CEMIP: variants seen among roughly 807,000 people sequenced by gnomAD.
The protein encoded by CEMIP is cell migration inducing hyaluronidase 1.
In CEMIP, 105 loss-of-function variants were observed where a neutral mutation model predicts 156.9. The ratio of observed to expected loss-of-function variants is 0.67; its 90% CI spans 0.57 to 0.79. The LOEUF (loss-of-function observed/expected upper bound fraction) is 0.79. CEMIP is among the 30% of genes least tolerant of loss of function. The pLI is 0.00. For synonymous variants in CEMIP, 676 were observed against 668.4 expected, an observed-to-expected ratio of 1.01 and a Z score of -0.17; for missense variants, 1,457 against 1,769.4, an observed-to-expected ratio of 0.82 and a Z score of 3.17.
intron 1 of CEMIP, among the ~76,000 whole-genome samples, chr15:80,781,731 T>C (rs561822080): frequency 3.0e-4 from 45 of 152,344 alleles, no homozygotes; most frequent in Admixed American, 2.7e-3. Context: ...TGTTTGCTGA[T>C]ATGTAAACTG....
At chr15:80,864,484 A>C (rs1428086621) in intron 1 of CEMIP, among the ~76,000 whole-genome samples, 1 of 152,180 alleles carries the variant, frequency 6.6e-6, no homozygotes, top group Non-Finnish European at 1.5e-5. Context: ...ACCCTGGGTA[A>C]TGGCGACACA....
chr15:80,854,829 T>C (rs972841289), intron 1 of CEMIP, among the ~76,000 whole-genome samples: 1 of 152,038 alleles, frequency 6.6e-6, no homozygotes, highest in Non-Finnish European at 1.5e-5. Flanking sequence ...TAAAATATAA[T>C]GAAGCCATAC....
intron 11 of CEMIP, 149 bp downstream of exon 11, chr15:80,895,271 G>A (rs1291564781): frequency 9.5e-7 from 1 of 1,057,918 alleles, no homozygotes; most frequent in Admixed American, 2.0e-5. Flanking sequence ...AGGATCCTTG[G>A]AGTTGGCAGG....
At chr15:80,784,132 G>C (rs1041481160) in intron 1 of CEMIP, among the ~76,000 whole-genome samples, 3 of 152,196 alleles carry the variant, frequency 2.0e-5, no homozygotes, top group African/African-American at 7.2e-5. Context: ...TCTTCTGGAA[G>C]GGCAGTCATA....
At position 80,910,551 on chromosome 15, in the gene CEMIP, T is replaced by C. The variant is rs372200777; in HGVS notation, c.1797+1245T>C. The stretch of plus-strand genomic sequence containing the variant: ...TGTACTCTTCTATTATAAAGGATTG[T>C]CTGTTGTTTCTGTGTTTTAAATGCT... On this transcript the variant is annotated intron_variant, in intron 14 of 29. Coordinates refer to ENST00000394685, the MANE Select transcript of CEMIP (RefSeq NM_001293298.2). 3.1e-4 allele frequency among the ~76,000 whole-genome samples: 47 copies of C among 152,360 alleles called. No individual in the cohort carries two copies. In the East Asian group the frequency reaches 3.7e-3, roughly 12 times the overall value.
intron 1 of CEMIP, among the ~76,000 whole-genome samples, chr15:80,794,847 A>C (rs568978081): frequency 6.6e-6 from 1 of 152,300 alleles, no homozygotes; most frequent in East Asian, 1.9e-4. Flanking sequence ...TATGAAGAAA[A>C]GTTGAAAGGT....
rs1901719248 is a variant in CEMIP at position 80,949,374 on chromosome 15, T to C, written c.*450T>C. ...GGTGGTAAATGTAGGAGAAAGAGCC[T>C]TGGCCTTAAGGAAATCTTTACTCCT... On this transcript the variant is annotated 3_prime_UTR_variant, in exon 30 of 30. Coordinates refer to ENST00000394685, the MANE Select transcript of CEMIP (RefSeq NM_001293298.2). 2 of 275,276 alleles carry C rather than the reference T, an allele frequency of 7.3e-6. No individual in the cohort carries two copies. The highest frequency in any genetic ancestry group is 8.2e-5 in the South Asian group (2 of 24,442). 17.1% of individuals were successfully genotyped at this position (275,276 alleles called of 1,614,324 possible).
At chr15:80,799,827 C>T (rs1329715730) in intron 1 of CEMIP, among the ~76,000 whole-genome samples, 1 of 152,106 alleles carries the variant, frequency 6.6e-6, no homozygotes, top group South Asian at 2.1e-4. Context: ...GACTTGATCA[C>T]AAATTTTGTA....
intron 1 of CEMIP, among the ~76,000 whole-genome samples, chr15:80,829,986 G>GTGTGTGTGTT (rs1268120873): frequency 8.2e-6 from 1 of 122,242 alleles, no homozygotes; most frequent in Non-Finnish European, 1.8e-5. Context: ...GTGTGTGTGT[G>GTGTGTGTGTT]TGTGTGTGTG....
chr15:80,874,060 G>A (rs1040443498), intron 3 of CEMIP, 87 bp downstream of exon 3: 1 of 1,291,590 alleles, frequency 7.7e-7, no homozygotes, highest in Admixed American at 2.0e-5. Flanking sequence ...GGGGGAGCCA[G>A]GAGAAGGAGC....
chr15:80,889,944 T>G (rs950515155), intron 10 of CEMIP, among the ~76,000 whole-genome samples: 19 of 152,188 alleles, frequency 1.2e-4, no homozygotes, highest in Admixed American at 7.9e-4. Flanking sequence ...GCAGCTAGGA[T>G]TTGGGGTGCA....
intron 1 of CEMIP, among the ~76,000 whole-genome samples, chr15:80,817,705 C>A (rs8024251): frequency 0.062 from 9,410 of 151,718 alleles, 876 homozygotes; most frequent in African/African-American, 0.2. Flanking sequence ...AGGATCCTGA[C>A]AACTGCTGCA....
At position 80,943,024 on chromosome 15, in the gene CEMIP, G is replaced by A; in HGVS notation, c.3779G>A (p.Ser1260Asn). Reference protein sequence around the residue: ...VIDGNQGRVVSHTSFRNSILQ... With the variant: ...VIDGNQGRVVNHTSFRNSILQ... ...GACGGGAACCAAGGGCGCGTGGTGA[G>A]CCACACGAGCTTCAGGAACTCCATT... Residue 1260 changes from serine to asparagine, a missense_variant, in exon 28 of 30, where the codon AGC becomes AAC. By Grantham distance (46) the Ser-to-Asn change is conservative. This residue lies in a region of CEMIP where 798 missense variants were observed against 980.1 expected (regional missense o/e 0.81). Transcript: ENST00000394685. 2 of 1,614,234 alleles carry A rather than the reference G, an allele frequency of 1.2e-6. No homozygotes were observed. The highest frequency in any genetic ancestry group is 1.7e-6 in the Non-Finnish European group (2 of 1,180,048).
intron 12 of CEMIP, among the ~76,000 whole-genome samples, chr15:80,899,961 G>A (rs979271394): frequency 3.3e-5 from 5 of 152,120 alleles, no homozygotes; most frequent in Admixed American, 6.5e-5. Context: ...GATGATCCAT[G>A]GGCCTGGGGT....
intron 1 of CEMIP, among the ~76,000 whole-genome samples, chr15:80,839,074 G>A (rs775531478): frequency 1.3e-5 from 2 of 152,324 alleles, no homozygotes; most frequent in South Asian, 2.1e-4. Flanking sequence ...TAGAGGCAGC[G>A]GGACTCAGGC....
In CEMIP at chr15:80,879,573, C is replaced by A. The variant is rs1898574419; in HGVS notation, c.242-143C>A. On this transcript the variant is annotated intron_variant, in intron 4 of 29. Transcript: ENST00000394685. ...AGGGATGACTTTACTTGTAAGTACA[C>A]CAAGCATAGGAATGTTTGGAAGATG... 5 of 967,762 alleles carry A rather than the reference C, an allele frequency of 5.2e-6. No individual in the cohort carries two copies. In the East Asian group the frequency reaches 1.2e-4, roughly 24 times the overall value. The allele number at this position is 967,762 out of a possible 1,614,324, so 59.9% of individuals were successfully genotyped here.
chr15:80,922,326 C>T (rs1275639877), intron 17 of CEMIP, among the ~76,000 whole-genome samples, 189 bp downstream of exon 17: 2 of 152,244 alleles, frequency 1.3e-5, no homozygotes, highest in African/African-American at 4.8e-5. Context: ...CAACACAAAT[C>T]TCCTGTGGTG....
At chr15:80,780,909 G>T (rs1472613389) in intron 1 of CEMIP, among the ~76,000 whole-genome samples, 3 of 152,198 alleles carry the variant, frequency 2.0e-5, no homozygotes, top group Non-Finnish European at 2.9e-5. Context: ...CTGAGAGTCC[G>T]CTGGGGCCCT....
chr15:80,799,049 G>T (rs572196583), intron 1 of CEMIP, among the ~76,000 whole-genome samples: 146 of 152,304 alleles, frequency 9.6e-4, no homozygotes, highest in African/African-American at 3.4e-3. Flanking sequence ...AAGCTTATTT[G>T]ATCCAGTTAC....
Sources: gnomAD v4.1 joint callset for allele counts (sites outside exome capture counted in the v4.1 genomes callset) on GRCh38, gnomAD v4.1.1 for gene constraint, gnomAD v4.1.1 regional missense constraint, MANE v1.5 for transcripts, NCBI Gene and HGNC (gene_info 2026-07-23, HGNC 2026-07-21) for gene names.